FAM200A: variants seen among roughly 807,000 people sequenced by gnomAD.
FAM200A encodes protein FAM200A.
FAM200A carries 26 observed loss-of-function variants against 44.2 expected under a neutral mutation model. That is an observed-to-expected ratio of 0.59 (90% confidence interval 0.43 to 0.82). FAM200A has a LOEUF of 0.82. FAM200A is among the 40% of genes least tolerant of loss of function. The pLI, the probability that FAM200A is intolerant of heterozygous loss-of-function variation, is 0.00. For missense variants in FAM200A, 606 were observed against 669.5 expected (o/e 0.91, Z 1.05); for synonymous variants, 206 against 244.4 (o/e 0.84, Z 1.47).
chr7:99,547,938 A>G lies in FAM200A; in HGVS notation c.470T>C (p.Leu157Ser). 1 of 1,551,310 alleles carries G rather than the reference A, an allele frequency of 6.4e-7. No individual in the cohort carries two copies. Residue 157 changes from leucine to serine, a missense_variant, in exon 2 of 2, where the codon TTG becomes TCG. By Grantham distance (145) the Leu-to-Ser change is moderately radical. Transcript: ENST00000449309. ...STDIASCPTL[L>S]VYVRYVWQDD... ...TTGCCACACATATCTGACATAAACC[A>G]AGAGTGTGGGACAACTTGCAATATC... is the stretch of plus-strand genomic sequence containing the variant.
chr7:99,556,559 G>A (rs991005982), upstream of FAM200A, among the ~76,000 whole-genome samples: 2 of 151,684 alleles, frequency 1.3e-5, no homozygotes, highest in Non-Finnish European at 2.9e-5. Flanking sequence ...TTTCTGTTCT[G>A]CTCTGTTGAT....
rs1802435824 is a variant in FAM200A, at chr7:99,548,261, A to G, written c.147T>C (p.Val49=). Residue 49 remains valine (V), a synonymous_variant, in exon 2 of 2, where the codon GTT becomes GTC. Transcript: ENST00000449309. ...ERNKVESSPQ[V]LSRSTTMNER... ...CATTCATAGTTGTAGAGCGACTGAG[A>G]ACTTGTGGCGATGACTCTACTTTGT... is the stretch of plus-strand genomic sequence containing the variant. 1 of 1,613,646 alleles carries G rather than the reference A, an allele frequency of 6.2e-7. No homozygotes were observed. Among genetic ancestry groups the G allele is most frequent in the African/African-American group, 1.3e-5 (1 of 74,914 alleles).
intron 1 of FAM200A, among the ~76,000 whole-genome samples, chr7:99,549,182 A>ATTTTTTTTTTTTTTTTTTT (rs1443044531): frequency 1.4e-5 from 2 of 138,188 alleles, no homozygotes; most frequent in East Asian, 3.1e-4. Flanking sequence ...TTTCTTAAAA[A>ATTTTTTTTTTTTTTTTTTT]TAAGAAATTA....
At position 99,548,612 on chromosome 7, in the gene FAM200A, AATG is replaced by A. The variant is rs1338187628; in HGVS notation, c.-99-109_-99-107del. 1.3e-5 allele frequency: 12 copies of A among 940,496 alleles called. No individual in the cohort carries two copies. The East Asian group carries it at 3.3e-4, about 26-fold the overall frequency. 58.3% of individuals were successfully genotyped at this position (940,496 alleles called of 1,614,324 possible). ...CTAAATCTAGTGGTGTGACATGGTA[AATG>A]ATGAGCAACTGTCATTCATGTTGGC... On this transcript the variant is annotated intron_variant, in intron 1 of 1. Transcript: ENST00000449309.
rs1802539659 is a variant in FAM200A at position 99,551,860 on chromosome 7, C to T, written c.-106G>A. ...AACTTCGTTCCCTTCCCACCTGTAT[C>T]CAGGGACACCTCTGCTGGGGGACAG... On this transcript the variant is annotated 5_prime_UTR_variant, in exon 1 of 2. Transcript: ENST00000449309. The T allele has an allele frequency of 2.0e-6, 2 of 985,542 alleles. No homozygotes were observed. The highest frequency in any genetic ancestry group is 2.4e-6 in the Non-Finnish European group (2 of 830,030). The allele number at this position is 985,542 out of a possible 1,614,324, so 61.0% of individuals were successfully genotyped here.
rs922104292 is a variant in FAM200A, at chr7:99,546,931, A to G, written c.1477T>C (p.Leu493=). ...TTAATCCAAAATGCTGATAAACTTAATATCTTATAATAATTCTTTAGTGTG... is the reference window on the plus strand; with the variant it reads ...TTAATCCAAAATGCTGATAAACTTAGTATCTTATAATAATTCTTTAGTGTG... The part of the protein sequence containing the change: ...SFTLKNYYKI[L]SLSAFWIKIK... Residue 493 remains leucine (L), a synonymous_variant, in exon 2 of 2, where the codon TTA becomes CTA. Transcript: ENST00000449309. 23 of 1,548,914 alleles carry G rather than the reference A, an allele frequency of 1.5e-5. No homozygotes were observed. The highest frequency in any genetic ancestry group is 1.8e-5 in the Non-Finnish European group (21 of 1,146,368).
chr7:99,548,088 G>A lies in FAM200A; in HGVS notation c.320C>T (p.Thr107Ile), dbSNP rs1289443928. ...FDDKSADKLR[T>I]IPLSDNTISR... ...TATTGTATTATCACTAAGAGGTATA[G>A]TTCTTAGTTTATCAGCTGATTTGTC... The change falls in exon 2 of 2, where the codon ACT becomes ATT. Residue 107 changes from threonine to isoleucine, a missense_variant. By Grantham distance (89) the Thr-to-Ile change is moderately conservative. Transcript: ENST00000449309. The A allele has an allele frequency of 6.4e-7, 1 of 1,551,652 alleles. No homozygotes were observed. The highest frequency in any genetic ancestry group is 1.2e-5 in the South Asian group (1 of 84,060).
In FAM200A at chr7:99,547,381, T is replaced by A. The variant is rs1303080084; in HGVS notation, c.1027A>T (p.Lys343Ter). 1.9e-6 allele frequency: 3 copies of A among 1,549,816 alleles called. No individual in the cohort carries two copies. The African/African-American group carries it at 4.1e-5, about 21-fold the overall frequency. Residue 343 changes from lysine (K) to a stop codon, truncating the protein, a stop_gained, in exon 2 of 2, where the codon AAA (lysine) becomes TAA (stop). Coordinates refer to ENST00000449309, the MANE Select transcript of FAM200A (RefSeq NM_145111.4). LOFTEE classifies it high-confidence loss of function. ...AAAATATCACTTAAATATGCCAATT[T>A]TGTTACCCAAATGTCGTCTTCAAAA... ...NIFEDDIWVT[K>*]LAYLSDIFGI...
upstream of FAM200A, among the ~76,000 whole-genome samples, chr7:99,556,738 T>C (rs1356576964): frequency 6.6e-6 from 1 of 151,920 alleles, no homozygotes; most frequent in Non-Finnish European, 1.5e-5. Flanking sequence ...TAATTTGCAC[T>C]AAAAAAAACA....
At chr7:99,557,717 T>C (rs1043791330) in intron 1 of FAM200A, among the ~76,000 whole-genome samples, 2 of 152,246 alleles carry the variant, frequency 1.3e-5, no homozygotes, top group Non-Finnish European at 2.9e-5. Flanking sequence ...AAGAAGCTGA[T>C]ACATTTTGAA....
At chr7:99,556,667 A>G (rs1343115323), upstream of FAM200A, among the ~76,000 whole-genome samples, 1 of 152,230 alleles carries the variant, frequency 6.6e-6, no homozygotes, top group Non-Finnish European at 1.5e-5. Context: ...ATTCTTTTTC[A>G]AAATTGTTTT....
chr7:99,548,629 A>C (rs1802447869), intron 1 of FAM200A, 123 bp from the exon 2 acceptor site: 2 of 815,878 alleles, frequency 2.5e-6, no homozygotes, highest in East Asian at 5.8e-5. Flanking sequence ...AGCAACTGTC[A>C]TTCATGTTGG....
At position 99,550,368 on chromosome 7, in the gene FAM200A, C is replaced by T. The variant is rs992948100; in HGVS notation, c.-100+1486G>A. On this transcript the variant is annotated intron_variant, in intron 1 of 1. Transcript: ENST00000449309. ...TCGTGATCCACCCACCTCGGCCTCC[C>T]AAAGTGCTGGGATTACAAGCCTGAG... 3.9e-5 allele frequency among the ~76,000 whole-genome samples: 6 copies of T among 152,162 alleles called. No individual in the cohort carries two copies. The East Asian group carries it at 9.6e-4, about 24-fold the overall frequency.
In FAM200A at chr7:99,547,514, A is replaced by T; in HGVS notation, c.894T>A (p.His298Gln). The change falls in exon 2 of 2, where the codon CAT becomes CAA. Residue 298 changes from histidine (H) to glutamine (Q), a missense_variant. Physicochemically the swap from His to Gln is conservative, Grantham distance 24. Coordinates refer to ENST00000449309, the MANE Select transcript of FAM200A (RefSeq NM_145111.4). The part of the protein sequence containing the change: ...IGVNHTHLLF[H>Q]TEVRWLSQGK... ...CTTGAGAAAGCCAACGAACTTCTGTATGAAACAATAAGTGGGTGTGGTTCA... is the reference window on the plus strand; with the variant it reads ...CTTGAGAAAGCCAACGAACTTCTGTTTGAAACAATAAGTGGGTGTGGTTCA... 6.5e-7 allele frequency: 1 copy of T among 1,550,296 alleles called. No homozygotes were observed. Among genetic ancestry groups the T allele is most frequent in the Non-Finnish European group, 8.7e-7 (1 of 1,146,254 alleles).
chr7:99,558,234 C>A (rs1402101794), intron 1 of FAM200A: 1 of 152,250 alleles, frequency 6.6e-6, no homozygotes, highest in Admixed American at 6.6e-5. Flanking sequence ...TGAGCAGGCA[C>A]CCCTGTGCTA....
upstream of FAM200A, among the ~76,000 whole-genome samples, chr7:99,553,619 A>C (rs1197614405): frequency 6.6e-6 from 1 of 152,218 alleles, no homozygotes; most frequent in Non-Finnish European, 1.5e-5. Context: ...GCGAGGAGGC[A>C]CAAATTCTAC....
Position 99,546,882 on chromosome 7 carries a change from A to T in FAM200A, c.1526T>A (p.Leu509Gln). The T allele has an allele frequency of 1.9e-6, 3 of 1,550,160 alleles. No homozygotes were observed. In the South Asian group the frequency reaches 3.6e-5, roughly 19 times the overall value. ...TAACAGCAATATACTCTTCCTACTT[A>T]GCAGTGGAAAGTCATCTTTAATCTT... Reference protein sequence around the residue: ...WIKIKDDFPLLSRKSILLLLP... With the variant: ...WIKIKDDFPLQSRKSILLLLP... The change falls in exon 2 of 2, where the codon CTA (leucine) becomes CAA (glutamine). Residue 509 changes from leucine to glutamine, a missense_variant. By Grantham distance (113) the Leu-to-Gln change is moderately radical. Coordinates refer to ENST00000449309, the MANE Select transcript of FAM200A (RefSeq NM_145111.4).
intron 1 of FAM200A, among the ~76,000 whole-genome samples, chr7:99,557,673 G>A (rs967184391): frequency 1.3e-5 from 2 of 152,154 alleles, no homozygotes; most frequent in African/African-American, 4.8e-5. Flanking sequence ...ATGATACTTA[G>A]GGATAAAGAG....
rs550531689 is a variant in FAM200A at position 99,548,109 on chromosome 7, T to C, written c.299A>G (p.Lys100Arg). 1.3e-6 allele frequency: 2 copies of C among 1,551,718 alleles called. No individual in the cohort carries two copies. Among genetic ancestry groups the C allele is most frequent in the East Asian group, 2.4e-5 (1 of 40,930 alleles). ...TATAGTTCTTAGTTTATCAGCTGAT[T>C]TGTCATCAAAAATTGTCCGTACCAT... is the stretch of plus-strand genomic sequence containing the variant. ...MDMVRTIFDD[K>R]SADKLRTIPL... Residue 100 changes from lysine to arginine, a missense_variant, in exon 2 of 2, where the codon AAA becomes AGA. By Grantham distance (26) the Lys-to-Arg change is conservative. Transcript: ENST00000449309.
Sources: gnomAD v4.1 joint callset for allele counts (sites outside exome capture counted in the v4.1 genomes callset) on GRCh38, gnomAD v4.1.1 for gene constraint, MANE v1.5 for transcripts, NCBI Gene and HGNC (gene_info 2026-07-23, HGNC 2026-07-21) for gene names.